MCF2L: variants seen among roughly 807,000 people sequenced by gnomAD.
The protein encoded by MCF2L is guanine nucleotide exchange factor DBS.
A neutral mutation model predicts 153.4 loss-of-function variants in MCF2L; 97 were observed. The observed-to-expected ratio is 0.63, with a 90% confidence interval of 0.54 to 0.75. The LOEUF is 0.75. Among genes scored for constraint, MCF2L ranks in the 30% least tolerant of loss-of-function variants. MCF2L has a pLI of 0.00. For missense variants in MCF2L, 1,347 were observed against 1,495.2 expected (o/e 0.90, Z 1.64); for synonymous variants, 659 against 632.2 (o/e 1.04, Z -0.64).
At position 113,027,823 on chromosome 13, in the gene MCF2L, G is replaced by A. The variant is rs139604994; in HGVS notation, c.278+3065G>A. ...AAAGGGGATGGCTGGGCAGGGGAGC[G>A]CCCGAAGGCTCAGACCACATGGCCG... is the stretch of plus-strand genomic sequence containing the variant. On this transcript the variant is annotated intron_variant, in intron 3 of 29. Transcript: ENST00000535094. This position sits in a 1 kb window ranked among gnomAD's most constrained non-coding sequence, Gnocchi z 4.8. 6.6e-3 allele frequency among the ~76,000 whole-genome samples: 1,009 copies of A among 152,292 alleles called. 7 individuals are homozygous for A. Among genetic ancestry groups the A allele is most frequent in the East Asian group, 0.021 (107 of 5,174 alleles).
chr13:112,941,411 C>T lies in MCF2L; in HGVS notation c.169+39040C>T, dbSNP rs2081574690. ...TATAATTTCTATTTGAAATAAAATT[C>T]CTTGTACATTTCCTTTAGGTGTAAA... is the stretch of plus-strand genomic sequence containing the variant. On this transcript the variant is annotated intron_variant, in intron 2 of 29. Coordinates refer to the MCF2L transcript ENST00000375608. The surrounding 1 kb of genome is among the most constrained non-coding windows in gnomAD (Gnocchi z 4.9). Among the ~76,000 whole-genome samples, 1 of 150,602 alleles carries T rather than the reference C, an allele frequency of 6.6e-6. No homozygotes were observed. The highest frequency in any genetic ancestry group is 1.5e-5 in the Non-Finnish European group (1 of 67,728).
intron 2 of MCF2L, among the ~76,000 whole-genome samples, chr13:112,959,693 G>A (rs2081800756): frequency 6.6e-6 from 1 of 152,184 alleles, no homozygotes; most frequent in African/African-American, 2.4e-5. Flanking sequence ...GACAGAGGGG[G>A]AATATCTGTT....
chr13:113,083,837 G>A (rs547083246), intron 17 of MCF2L, among the ~76,000 whole-genome samples, 161 bp from the exon 18 acceptor site: 82 of 152,356 alleles, frequency 5.4e-4, no homozygotes, highest in African/African-American at 1.9e-3. Flanking sequence ...CTGAGAGCTT[G>A]GTGCTCAGGA....
At chr13:113,077,416 C>T (rs965933565) in intron 13 of MCF2L, among the ~76,000 whole-genome samples, 4 of 152,236 alleles carry the variant, frequency 2.6e-5, no homozygotes, top group South Asian at 2.1e-4. Flanking sequence ...TTTGTCAGGA[C>T]CCGGCCACGC....
Position 113,044,587 on chromosome 13 carries a change from C to T in MCF2L, c.279-684C>T, listed in dbSNP as rs1049906058. 35 of 1,544,202 alleles carry T rather than the reference C, an allele frequency of 2.3e-5. No homozygotes were observed. In the East Asian group the frequency reaches 2.4e-4, roughly 11 times the overall value. Reference sequence around the variant, plus strand: ...CTGGTGGTAGCAGCTGCTGGCATCACGCAATTGGCTTGGCTGCAGAGTGAG... The same window carrying T: ...CTGGTGGTAGCAGCTGCTGGCATCATGCAATTGGCTTGGCTGCAGAGTGAG... On this transcript the variant is annotated intron_variant, in intron 3 of 29. Coordinates refer to ENST00000535094, the MANE Select transcript of MCF2L (RefSeq NM_001112732.3).
At chr13:112,927,060 G>T (rs917503763) in intron 2 of MCF2L, among the ~76,000 whole-genome samples, 1 of 152,190 alleles carries the variant, frequency 6.6e-6, no homozygotes, top group Non-Finnish European at 1.5e-5. Flanking sequence ...CACTTACAGA[G>T]AAATATGAAT....
At chr13:113,077,785 G>C (rs910195558) in intron 13 of MCF2L, among the ~76,000 whole-genome samples, 1 of 152,154 alleles carries the variant, frequency 6.6e-6, no homozygotes, top group African/African-American at 2.4e-5. Context: ...GTCTCAAAAC[G>C]AACCCTCTTC....
intron 2 of MCF2L, among the ~76,000 whole-genome samples, chr13:112,906,594 G>A (rs938656849): frequency 3.9e-5 from 6 of 152,370 alleles, no homozygotes; most frequent in African/African-American, 1.2e-4. Context: ...CCGCTCTGCC[G>A]TGAGTGCGTG....
chr13:112,915,512 G>T (rs1439929659), intron 2 of MCF2L, among the ~76,000 whole-genome samples: 2 of 150,864 alleles, frequency 1.3e-5, no homozygotes, highest in Non-Finnish European at 1.5e-5. Flanking sequence ...TGGACTCCCT[G>T]TTCTGTCTCA....
rs778365523 is a variant in MCF2L at position 113,053,625 on chromosome 13, G to A, written c.370-6968G>A. Among the ~76,000 whole-genome samples the A allele has an allele frequency of 1.1e-4, 16 of 152,208 alleles. No individual in the cohort carries two copies. Among genetic ancestry groups the A allele is most frequent in the Non-Finnish European group, 1.6e-4 (11 of 68,038 alleles). On this transcript the variant is annotated intron_variant, in intron 4 of 29. Coordinates refer to ENST00000535094, the MANE Select transcript of MCF2L (RefSeq NM_001112732.3). This position sits in a 1 kb window ranked among gnomAD's most constrained non-coding sequence, Gnocchi z 4.4. ...ATGCTCAGGACGGGGCGAAGGTCCC[G>A]TGGCTGAGGTGTCCACTGACCGTTT... is the stretch of plus-strand genomic sequence containing the variant.
At chr13:113,015,469 G>A (rs1472549622) in intron 2 of MCF2L, among the ~76,000 whole-genome samples, 1 of 152,136 alleles carries the variant, frequency 6.6e-6, no homozygotes, top group Non-Finnish European at 1.5e-5. Context: ...GTGCCCCGAT[G>A]CCGAGGAGGG....
intron 1 of MCF2L, among the ~76,000 whole-genome samples, chr13:112,896,502 T>C (rs2081069777): frequency 6.6e-6 from 1 of 151,542 alleles, no homozygotes; most frequent in Non-Finnish European, 1.5e-5. Context: ...TGTAACGTGG[T>C]GGGAGAAGGC....
intron 2 of MCF2L, among the ~76,000 whole-genome samples, chr13:112,925,371 C>A (rs1298810686): frequency 6.6e-6 from 1 of 152,182 alleles, no homozygotes; most frequent in Non-Finnish European, 1.5e-5. Context: ...TCCGATTCCA[C>A]CCTAACTGTG....
chr13:112,961,666 C>T (rs2081828079), intron 2 of MCF2L, among the ~76,000 whole-genome samples: 2 of 152,246 alleles, frequency 1.3e-5, no homozygotes, highest in Non-Finnish European at 2.9e-5. Flanking sequence ...TGGCCACACA[C>T]ACAGCTGGGC....
intron 1 of MCF2L, among the ~76,000 whole-genome samples, chr13:112,971,963 A>G (rs915074150): frequency 2.6e-5 from 4 of 152,262 alleles, no homozygotes; most frequent in Admixed American, 1.3e-4. Flanking sequence ...CAGCATGTAC[A>G]TGCGTCACCT....
chr13:113,082,611 G>T, intron 17 of MCF2L, 69 bp downstream of exon 17: 2 of 1,190,368 alleles, frequency 1.7e-6, no homozygotes, highest in East Asian at 2.5e-5. Flanking sequence ...GGCTTCAGGG[G>T]GCTGGAATGG....
intron 1 of MCF2L, among the ~76,000 whole-genome samples, chr13:112,988,869 G>T (rs9577410): frequency 1.2e-4 from 3 of 25,706 alleles, no homozygotes; most frequent in Admixed American, 3.5e-4. Flanking sequence ...CCTGAGCAGG[G>T]GATGGAGCTA....
intron 2 of MCF2L, among the ~76,000 whole-genome samples, chr13:112,938,144 G>A (rs2081539557): frequency 2.8e-5 from 4 of 144,118 alleles, no homozygotes; most frequent in African/African-American, 1.0e-4. Flanking sequence ...GCGCTGAGGG[G>A]TTGGTTCAGG....
chr13:113,026,929 C>T (rs9549343), intron 3 of MCF2L: 16 of 772,592 alleles, frequency 2.1e-5, no homozygotes, highest in East Asian at 1.7e-4. Context: ...AGGGGTGCCG[C>T]GGGGGTCTCT....
Sources: allele counts gnomAD v4.1 joint callset (sites outside exome capture counted in the v4.1 genomes callset), GRCh38; gene constraint gnomAD v4.1.1; non-coding constraint Gnocchi (gnomAD v3.1); transcripts MANE v1.5; gene names NCBI Gene and HGNC (gene_info 2026-07-23, HGNC 2026-07-21).